The following MYO7A variants were observed in gnomAD, a reference collection of about 807,000 sequenced individuals.
The protein encoded by MYO7A is myosin VIIA.
Under a neutral mutation model 263.8 loss-of-function variants are expected in MYO7A, and 210 were observed. The ratio of observed to expected loss-of-function variants is 0.80; its 90% confidence interval spans 0.71 to 0.89. MYO7A has a LOEUF of 0.89. Ranked by LOEUF, MYO7A falls within the 40% of genes least tolerant of loss-of-function variation. MYO7A has a pLI of 0.00. For synonymous variants in MYO7A, 1,239 were observed against 1,197.3 expected, an observed-to-expected ratio of 1.03 and a Z score of -0.72; for missense variants, 2,820 against 2,968.3, an observed-to-expected ratio of 0.95 and a Z score of 1.16.
intron 42 of MYO7A, 113 bp from the exon 43 acceptor site, chr11:77,208,317 C>G (rs1957600896): frequency 2.5e-6 from 2 of 814,992 alleles, no homozygotes; most frequent in African/African-American, 3.4e-5. Flanking sequence ...CCCCTTCCGG[C>G]TGGGAGTGGA....
Position 77,174,813 on chromosome 11 carries a change from A to G in MYO7A, c.1993A>G (p.Ile665Val), listed in dbSNP as rs1555078961. ...QLRYSGMMET[I>V]RIRRAGYPIR... Reference sequence around the variant, plus strand: ...GCGGTACTCAGGAATGATGGAGACCATCCGAATCCGCCGAGCTGGCTACCC... The same window carrying G: ...GCGGTACTCAGGAATGATGGAGACCGTCCGAATCCGCCGAGCTGGCTACCC... The change falls in exon 17 of 49, where the codon ATC (isoleucine) becomes GTC (valine). Residue 665 changes from isoleucine to valine, a missense_variant. Physicochemically the swap from Ile to Val is conservative, Grantham distance 29. Coordinates refer to ENST00000409709, the MANE Select transcript of MYO7A (RefSeq NM_000260.4). 1.2e-6 allele frequency: 2 copies of G among 1,612,838 alleles called. No homozygotes were observed. The highest frequency in any genetic ancestry group is 8.5e-7 in the Non-Finnish European group (1 of 1,179,618).
intron 12 of MYO7A, 22 bp downstream of exon 12, chr11:77,161,137 A>T: frequency 6.2e-7 from 1 of 1,612,228 alleles, no homozygotes; most frequent in Non-Finnish European, 8.5e-7. Flanking sequence ...GGCTCTGCTC[A>T]TGGGAATTTC....
In MYO7A at chr11:77,172,753, C is replaced by G; in HGVS notation, c.1803C>G (p.Ala601=). ...QIFQADVAMG[A]ETRKRSPTLS... ...GCTGCCGTCCGTCCCCCCAGGGCGC[C>G]GAGACCAGGAAGCGCTCGCCCACAC... Residue 601 remains alanine (A), a synonymous_variant, in exon 16 of 49, where the codon GCC becomes GCG. Transcript: ENST00000409709. The G allele has an allele frequency of 1.3e-6, 2 of 1,556,982 alleles. No homozygotes were observed. Among genetic ancestry groups the G allele is most frequent in the Non-Finnish European group, 1.7e-6 (2 of 1,151,192 alleles).
At chr11:77,170,201 T>A (rs782635593) in intron 15 of MYO7A, among the ~76,000 whole-genome samples, 3 of 151,830 alleles carry the variant, frequency 2.0e-5, no homozygotes, top group Non-Finnish European at 4.4e-5. Context: ...TTTTCAGTGG[T>A]GTGGTGGGTG....
Position 77,202,493 on chromosome 11 carries a change from G to A in MYO7A, c.5168+69G>A, listed in dbSNP as rs112976795. ...TGCAGGCTTCCGCTACTGTCTGGTC[G>A]TGTGCTGGGGCTGCTTTGTGAAGCC... is the stretch of plus-strand genomic sequence containing the variant. On this transcript the variant is annotated intron_variant, in intron 37 of 48. Transcript: ENST00000409709. 3,677 of 1,513,838 alleles carry A rather than the reference G, an allele frequency of 2.4e-3. 66 individuals carry two copies. The African/African-American group carries it at 0.043, about 18-fold the overall frequency. 93.8% of individuals were successfully genotyped at this position (1,513,838 alleles called of 1,614,324 possible).
rs1040244320 is a variant in MYO7A at position 77,142,638 on chromosome 11, A to G, written c.19-71A>G. The G allele has an allele frequency of 9.1e-6, 12 of 1,312,482 alleles. No individual in the cohort carries two copies. The African/African-American group carries it at 1.8e-4, about 20-fold the overall frequency. 81.3% of individuals were successfully genotyped at this position (1,312,482 alleles called of 1,614,324 possible). A position where few individuals can be genotyped will look rare whatever the true frequency, so the allele number is the denominator to read the frequency against. On this transcript the variant is annotated intron_variant, in intron 2 of 48. Coordinates refer to ENST00000409709, the MANE Select transcript of MYO7A (RefSeq NM_000260.4). ...GAGCCTCTGATTGTAGCAGAGGGAT[A>G]TAGGGCTGCCTGGAAGGGGCTCCAA...
chr11:77,184,764 C>T (rs1955538550), intron 27 of MYO7A, 49 bp downstream of exon 27: 3 of 1,580,232 alleles, frequency 1.9e-6, no homozygotes, highest in African/African-American at 1.3e-5. Flanking sequence ...CTTTTGGTGG[C>T]TGAGTGGTGC....
chr11:77,156,996 T>C lies in MYO7A; in HGVS notation c.727T>C (p.Cys243Arg), dbSNP rs1176420499. The part of the protein sequence containing the change: ...EQYLLEKSRV[C>R]RQALDERNYH... Reference sequence around the variant, plus strand: ...GTACCTGCTGGAAAAGTCACGTGTCTGTCGCCAGGTGGGCCTGAGCCCCAG... The same window carrying C: ...GTACCTGCTGGAAAAGTCACGTGTCCGTCGCCAGGTGGGCCTGAGCCCCAG... The change falls in exon 7 of 49, where the codon TGT (cysteine) becomes CGT (arginine). Residue 243 changes from cysteine to arginine, a missense_variant. Physicochemically the swap from Cys to Arg is radical, Grantham distance 180 (BLOSUM62 -3). Transcript: ENST00000409709. 3.1e-6 allele frequency: 5 copies of C among 1,612,816 alleles called. No individual in the cohort carries two copies. The highest frequency in any genetic ancestry group is 1.3e-5 in the African/African-American group (1 of 74,936).
intron 38 of MYO7A, among the ~76,000 whole-genome samples, chr11:77,203,564 G>A (rs1042122690): frequency 1.3e-5 from 2 of 152,160 alleles, no homozygotes; most frequent in African/African-American, 4.8e-5. Context: ...TGACCTGGAG[G>A]GGGCAGAGAG....
Position 77,190,809 on chromosome 11 carries a change from C to T in MYO7A, c.3863C>T (p.Ala1288Val). 6.3e-7 allele frequency: 1 copy of T among 1,591,516 alleles called. No homozygotes were observed. The highest frequency in any genetic ancestry group is 8.6e-7 in the Non-Finnish European group (1 of 1,169,460). Residue 1288 changes from alanine to valine, a missense_variant, in exon 30 of 49, where the codon GCC (alanine) becomes GTC (valine). Transcript: ENST00000409709. ...GCCAAGGAGCTCTGCAACGCGCTGG[C>T]CGACAAGATCTCTCTCAAGGACCGG... ...TTAKELCNAL[A>V]DKISLKDRFG...
At chr11:77,135,823 T>C (rs1336049857) in intron 2 of MYO7A, among the ~76,000 whole-genome samples, 1 of 152,220 alleles carries the variant, frequency 6.6e-6, no homozygotes, top group Non-Finnish European at 1.5e-5. Flanking sequence ...ATTTGCATTA[T>C]CCTAATGATG....
intron 7 of MYO7A, 109 bp downstream of exon 7, chr11:77,157,113 T>A: frequency 1.3e-6 from 2 of 1,481,826 alleles, no homozygotes; most frequent in South Asian, 1.2e-5. Context: ...CACCTGCCCG[T>A]ATTGCTGCCT....
intron 2 of MYO7A, 80 bp downstream of exon 2, chr11:77,130,732 C>T (rs1950743349): frequency 3.3e-6 from 5 of 1,494,222 alleles, no homozygotes; most frequent in Admixed American, 1.8e-5. Flanking sequence ...GTGGGACACC[C>T]TCCCCAGGGT....
intron 32 of MYO7A, among the ~76,000 whole-genome samples, chr11:77,195,898 A>G (rs534856046): frequency 3.3e-5 from 5 of 152,124 alleles, no homozygotes; most frequent in African/African-American, 1.2e-4. Flanking sequence ...AGGTGTCAGC[A>G]GGGGCTTTCT....
At position 77,189,446 on chromosome 11, in the gene MYO7A, C is replaced by T. The variant is rs972847027; in HGVS notation, c.3606C>T (p.Phe1202=). 9.9e-6 allele frequency: 16 copies of T among 1,613,738 alleles called. No individual in the cohort carries two copies. Among genetic ancestry groups the T allele is most frequent in the East Asian group, 4.5e-5 (2 of 44,878 alleles). ...WILVSLCVGC[F]APSEKFVKYL... ...TCGTGTCTCTCTGCGTGGGCTGTTTCGCCCCCTCCGAGAAGTTTGTCAAGG... is the reference window on the plus strand; with the variant it reads ...TCGTGTCTCTCTGCGTGGGCTGTTTTGCCCCCTCCGAGAAGTTTGTCAAGG... The change falls in exon 28 of 49, where the codon TTC becomes TTT. Residue 1202 remains phenylalanine (F), a synonymous_variant. Transcript: ENST00000409709.
At chr11:77,160,124 A>C (rs1952847454) in intron 10 of MYO7A, 39 bp from the exon 11 acceptor site, 2 of 1,540,438 alleles carry the variant, frequency 1.3e-6, no homozygotes, top group African/African-American at 2.7e-5. Flanking sequence ...AGGGAGGGGC[A>C]GGCTGGCAGG....
rs764181324 is a variant in MYO7A at position 77,208,662 on chromosome 11, G to A, written c.5945-35G>A. On this transcript the variant is annotated intron_variant, in intron 43 of 48. Coordinates refer to ENST00000409709, the MANE Select transcript of MYO7A (RefSeq NM_000260.4). ...GGGACGTGAGCACTCCTCTGTGCAG[G>A]GACCCTCTGGGTGACCGACTGCCCT... 7 of 1,530,124 alleles carry A rather than the reference G, an allele frequency of 4.6e-6. No homozygotes were observed. In the South Asian group the frequency reaches 8.3e-5, roughly 18 times the overall value. 94.8% of individuals were successfully genotyped at this position (1,530,124 alleles called of 1,614,324 possible). A position where few individuals can be genotyped will look rare whatever the true frequency, so the allele number is the denominator to read the frequency against.
At chr11:77,171,196 C>T (rs117168819) in intron 15 of MYO7A, among the ~76,000 whole-genome samples, 142 of 152,236 alleles carry the variant, frequency 9.3e-4, no homozygotes, top group Admixed American at 2.0e-3. Context: ...CGGTGGTATG[C>T]GTGTGCTCCT....
At chr11:77,148,202 G>A (rs1591228080) in intron 4 of MYO7A, among the ~76,000 whole-genome samples, 1 of 152,236 alleles carries the variant, frequency 6.6e-6, no homozygotes, top group Non-Finnish European at 1.5e-5. Flanking sequence ...TTTGTACTAC[G>A]CAGTTTTCAT....
Sources: gnomAD v4.1 joint callset for allele counts (sites outside exome capture counted in the v4.1 genomes callset) on GRCh38, gnomAD v4.1.1 for gene constraint, MANE v1.5 for transcripts, NCBI Gene and HGNC (gene_info 2026-07-23, HGNC 2026-07-21) for gene names.